The following PBRM1 variants were observed in gnomAD, a reference collection of about 807,000 sequenced individuals.
PBRM1 encodes protein polybromo-1.
In PBRM1, 27 loss-of-function variants were observed where a neutral mutation model predicts 194.5. The observed-to-expected ratio is 0.14, with a 90% CI of 0.10 to 0.19. PBRM1 has a LOEUF of 0.19. PBRM1 is among the 10% of genes least tolerant of loss of function. PBRM1 has a pLI of 1.00. For synonymous variants in PBRM1, 655 were observed against 693.2 expected (o/e 0.94, Z 0.87); for missense variants, 1,466 against 2,077.2 (o/e 0.71, Z 5.72).
intron 2 of PBRM1, among the ~76,000 whole-genome samples, chr3:52,669,783 A>G (rs1422746954): frequency 6.6e-6 from 1 of 152,210 alleles, no homozygotes; most frequent in African/African-American, 2.4e-5. Context: ...ATGCCCCATC[A>G]CGCCTGATAA....
chr3:52,604,368 T>C (rs553694329), intron 16 of PBRM1, among the ~76,000 whole-genome samples: 1 of 152,332 alleles, frequency 6.6e-6, no homozygotes, highest in African/African-American at 2.4e-5. Context: ...AGATTATGTA[T>C]GTCATACCCA....
chr3:52,598,557 G>A (rs1164473578), intron 17 of PBRM1, among the ~76,000 whole-genome samples: 1 of 152,136 alleles, frequency 6.6e-6, no homozygotes, highest in Non-Finnish European at 1.5e-5. Context: ...TATCCCATTG[G>A]ATGAATATAC....
chr3:52,649,023 G>T (rs1231370836), intron 6 of PBRM1, among the ~76,000 whole-genome samples: 1 of 152,174 alleles, frequency 6.6e-6, no homozygotes, highest in Non-Finnish European at 1.5e-5. Flanking sequence ...AGGCACACAT[G>T]ACTAATGGTA....
At chr3:52,671,333 C>T (rs1184554552) in intron 2 of PBRM1, among the ~76,000 whole-genome samples, 4 of 152,328 alleles carry the variant, frequency 2.6e-5, no homozygotes, top group Non-Finnish European at 2.9e-5. Context: ...CCATTATCTT[C>T]GAGGTTGTAA....
chr3:52,666,791 C>T (rs1457018524), intron 3 of PBRM1, among the ~76,000 whole-genome samples: 1 of 149,604 alleles, frequency 6.7e-6, no homozygotes, highest in Non-Finnish European at 1.5e-5. Flanking sequence ...AATCAGGAGG[C>T]TAAGGTGGGA....
intron 22 of PBRM1, among the ~76,000 whole-genome samples, chr3:52,572,132 A>T (rs1377083613): frequency 6.6e-6 from 1 of 151,396 alleles, no homozygotes; most frequent in African/African-American, 2.4e-5. Context: ...TATTTTTGAA[A>T]AAAAAAAAAA....
chr3:52,601,356 T>G (rs1482897708), intron 17 of PBRM1, among the ~76,000 whole-genome samples: 1 of 152,056 alleles, frequency 6.6e-6, no homozygotes, highest in African/African-American at 2.4e-5. Flanking sequence ...GAGATGAGGG[T>G]TGGGTGGGAT....
In PBRM1 at chr3:52,609,337, A is replaced by G; in HGVS notation, c.2543T>C (p.Leu848Ser). Reference sequence around the variant, plus strand: ...CCGATTCATCCTTCTTGCTCGTTCCAATACTTCAAACATATGCTCTTGAAA... The same window carrying G: ...CCGATTCATCCTTCTTGCTCGTTCCGATACTTCAAACATATGCTCTTGAAA... Residue 848 changes from leucine (L) to serine (S), a missense_variant, in exon 16 of 30, where the codon TTG (leucine) becomes TCG (serine). By Grantham distance (145) the Leu-to-Ser change is moderately radical. Around this residue, in one of 5 missense-constraint regions of PBRM1, gnomAD observed 687 missense variants for 946.2 expected, o/e 0.73. Transcript: ENST00000296302. This position sits in a 1 kb window ranked among gnomAD's most constrained non-coding sequence, Gnocchi z 4.1. The G allele has an allele frequency of 1.2e-6, 2 of 1,613,760 alleles. No individual in the cohort carries two copies. Among genetic ancestry groups the G allele is most frequent in the Non-Finnish European group, 1.7e-6 (2 of 1,179,736 alleles).
chr3:52,603,732 C>A, exon 17 of PBRM1: 1 of 1,602,808 alleles, frequency 6.2e-7, no homozygotes, highest in South Asian at 1.1e-5. Context: ...CTGAATCTGT[C>A]CTATAACAGC....
chr3:52,626,719 G>C (rs2095460372), intron 13 of PBRM1, among the ~76,000 whole-genome samples: 1 of 152,070 alleles, frequency 6.6e-6, no homozygotes, highest in Non-Finnish European at 1.5e-5. Flanking sequence ...GGGAAGTTGA[G>C]AGAAAGGTTA....
chr3:52,678,866 C>G (rs944570993), intron 1 of PBRM1, among the ~76,000 whole-genome samples: 34 of 152,194 alleles, frequency 2.2e-4, no homozygotes, highest in African/African-American at 7.7e-4. Flanking sequence ...CACTTTCTTG[C>G]TTAAAGTCAT....
chr3:52,558,329 G>C, exon 26 of PBRM1: 1 of 1,549,974 alleles, frequency 6.5e-7, no homozygotes, highest in Non-Finnish European at 8.7e-7. Flanking sequence ...CCCCACAGGG[G>C]TGCCTGCTCG....
At chr3:52,668,768 ACTTTGAAG>A (rs2096889277) in intron 2 of PBRM1, 123 bp from the exon 4 acceptor site, 2 of 365,096 alleles carry the variant, frequency 5.5e-6, no homozygotes, top group Non-Finnish European at 9.4e-6. Flanking sequence ...TCTTTCATGG[ACTTTGAAG>A]CTTACTTAAA....
chr3:52,630,670 A>G lies in PBRM1; in HGVS notation c.1302-1635T>C, dbSNP rs1483166361. On this transcript the variant is annotated intron_variant, in intron 11 of 29. Transcript: ENST00000296302. ...TCCGCGGAAGGCAGCAACATTAGAC[A>G]TAATAGTTTACCCTTCAGAACTTTA... Among the ~76,000 whole-genome samples the G allele has an allele frequency of 5.3e-5, 8 of 152,314 alleles. No homozygotes were observed. The East Asian group carries it at 1.5e-3, about 29-fold the overall frequency.
chr3:52,589,250 C>T (rs749924765), exon 18 of PBRM1: 1 of 1,523,808 alleles, frequency 6.6e-7, no homozygotes, highest in South Asian at 1.3e-5. Context: ...TCACTCTTTT[C>T]AGCTTCTTAG....
At chr3:52,617,158 TAATC>T (rs1354203849) in intron 14 of PBRM1, 100 bp downstream of exon 16, 2 of 829,654 alleles carry the variant, frequency 2.4e-6, no homozygotes, top group Admixed American at 6.3e-5. Context: ...CCAAAAAGAA[TAATC>T]TAAGTTAAGC....
At chr3:52,631,241 C>T (rs1017238949) in intron 11 of PBRM1, among the ~76,000 whole-genome samples, 2 of 151,454 alleles carry the variant, frequency 1.3e-5, no homozygotes, top group African/African-American at 2.4e-5. Flanking sequence ...GAGGTCAAGG[C>T]GGGCAGATTG....
chr3:52,664,078 T>A (rs546740958), intron 3 of PBRM1, among the ~76,000 whole-genome samples: 26 of 148,278 alleles, frequency 1.8e-4, no homozygotes, highest in African/African-American at 6.2e-4. Flanking sequence ...AAAAAAAAGT[T>A]GGGCACGGTG....
chr3:52,667,746 CAAAAA>C (rs34993730), intron 3 of PBRM1, among the ~76,000 whole-genome samples: 3 of 85,554 alleles, frequency 3.5e-5, no homozygotes. Flanking sequence ...GACTTTGCCT[CAAAAA>C]AAAAAAAAAA....
Sources: allele counts gnomAD v4.1 joint callset (sites outside exome capture counted in the v4.1 genomes callset), GRCh38; gene constraint gnomAD v4.1.1; regional missense constraint gnomAD v4.1.1; non-coding constraint Gnocchi (gnomAD v3.1); transcripts MANE v1.5; gene names NCBI Gene and HGNC (gene_info 2026-07-23, HGNC 2026-07-21).